The following DPP4 variants were observed in gnomAD, a reference collection of about 807,000 sequenced individuals.
The protein encoded by DPP4 is ADCP-2.
A neutral mutation model predicts 122.4 loss-of-function variants in DPP4; 93 were observed. That is an observed-to-expected ratio of 0.76 (90% confidence interval 0.64 to 0.90). The LOEUF is 0.90. Ranked by LOEUF, DPP4 falls within the 40% of genes least tolerant of loss-of-function variation. The pLI, the probability that DPP4 is intolerant of heterozygous loss-of-function variation, is 0.00. For missense variants in DPP4, 914 were observed against 907.3 expected, an observed-to-expected ratio of 1.01 and a Z score of -0.09; for synonymous variants, 321 against 302.9, an observed-to-expected ratio of 1.06 and a Z score of -0.62.
At chr2:162,022,386 G>A (rs1052018569) in intron 12 of DPP4, among the ~76,000 whole-genome samples, 2 of 152,126 alleles carry the variant, frequency 1.3e-5, no homozygotes, top group African/African-American at 2.4e-5. Flanking sequence ...TGTGCAGGCT[G>A]GGGACAGAAC....
intron 19 of DPP4, 60 bp from the exon 20 acceptor site, chr2:162,012,047 T>C (rs753072758): frequency 1.3e-6 from 2 of 1,510,438 alleles, no homozygotes; most frequent in Non-Finnish European, 9.1e-7. Flanking sequence ...GAGGAATGCT[T>C]ACATTTCTCT....
chr2:162,033,885 T>TATATATATATATAC (rs1443246438), intron 9 of DPP4, among the ~76,000 whole-genome samples: 2 of 141,388 alleles, frequency 1.4e-5, no homozygotes, highest in East Asian at 4.1e-4. Context: ...TATATATATA[T>TATATATATATATAC]ATATATATAC....
chr2:162,044,588 C>G (rs928241981), intron 5 of DPP4, among the ~76,000 whole-genome samples: 1 of 152,144 alleles, frequency 6.6e-6, no homozygotes, highest in African/African-American at 2.4e-5. Context: ...GCTTGCAATA[C>G]AGGGTATCTT....
At position 161,995,328 on chromosome 2, in the gene DPP4, C is replaced by G. The variant is rs764143939; in HGVS notation, c.2097G>C (p.Glu699Asp). The change falls in exon 24 of 26, where the codon GAG becomes GAC. Residue 699 changes from glutamate to aspartate, a missense_variant. Physicochemically the swap from Glu to Asp is conservative, Grantham distance 45. Transcript: ENST00000360534. ...CTGCTGTTCCATGAATAAGGAGGTA[C>G]TCAACTTGTTTAAAATTTTCAGCTC... ...MSRAENFKQV[E>D]YLLIHGTADD... 2 of 1,613,960 alleles carry G rather than the reference C, an allele frequency of 1.2e-6. No individual in the cohort carries two copies. The highest frequency in any genetic ancestry group is 1.7e-6 in the Non-Finnish European group (2 of 1,179,922).
intron 2 of DPP4, among the ~76,000 whole-genome samples, chr2:162,065,610 G>C (rs887598146): frequency 6.6e-6 from 1 of 152,166 alleles, no homozygotes; most frequent in African/African-American, 2.4e-5. Context: ...CAGCATCAGG[G>C]GGCTGTAAGT....
At position 162,059,527 on chromosome 2, in the gene DPP4, A is replaced by G. The variant is rs556981910; in HGVS notation, c.95-12026T>C. Among the ~76,000 whole-genome samples, 4 of 152,370 alleles carry G rather than the reference A, an allele frequency of 2.6e-5. No homozygotes were observed. In the East Asian group the frequency reaches 7.7e-4, roughly 29 times the overall value. On this transcript the variant is annotated intron_variant, in intron 2 of 25. Coordinates refer to ENST00000360534, the MANE Select transcript of DPP4 (RefSeq NM_001935.4). ...CATATACTTAAAAGCAGTTGCAGTGAGACTTCAGTGGAGGGTATTATAGTG... is the reference window on the plus strand; with the variant it reads ...CATATACTTAAAAGCAGTTGCAGTGGGACTTCAGTGGAGGGTATTATAGTG...
At chr2:162,040,192 A>G (rs1683937351) in intron 5 of DPP4, among the ~76,000 whole-genome samples, 1 of 152,146 alleles carries the variant, frequency 6.6e-6, no homozygotes, top group Admixed American at 6.6e-5. Context: ...TAACTTTACC[A>G]GCAAACTTCT....
chr2:162,020,427 C>A (rs1473422582), intron 13 of DPP4, 131 bp from the exon 14 acceptor site: 4 of 1,021,674 alleles, frequency 3.9e-6, no homozygotes, highest in Non-Finnish European at 5.7e-6. Context: ...GGTTTCCCCA[C>A]CTCGTTCCAC....
At chr2:162,057,790 T>C (rs1031673170) in intron 2 of DPP4, among the ~76,000 whole-genome samples, 4 of 152,168 alleles carry the variant, frequency 2.6e-5, no homozygotes, top group African/African-American at 9.7e-5. Context: ...TTCTTTTTTT[T>C]GAGACAGAGT....
Position 162,069,272 on chromosome 2 carries a change from G to C in DPP4, c.94+4127C>G, listed in dbSNP as rs1685040695. 2.6e-5 allele frequency among the ~76,000 whole-genome samples: 4 copies of C among 152,248 alleles called. No individual in the cohort carries two copies. In the South Asian group the frequency reaches 8.3e-4, roughly 32 times the overall value. Reference sequence around the variant, plus strand: ...CCCTCAGCCCCAAATTTAGCACTTAGTAAATGCATATTGGCTATTATTGTA... The same window carrying C: ...CCCTCAGCCCCAAATTTAGCACTTACTAAATGCATATTGGCTATTATTGTA... On this transcript the variant is annotated intron_variant, in intron 2 of 25. Transcript: ENST00000360534.
chr2:162,020,201 A>G, intron 14 of DPP4, 28 bp downstream of exon 14: 1 of 1,588,030 alleles, frequency 6.3e-7, no homozygotes, highest in Non-Finnish European at 8.6e-7. Flanking sequence ...AAGTAGGTTT[A>G]TATCCTATCA....
At chr2:162,073,597 A>T in intron 1 of DPP4, 111 bp from the exon 2 acceptor site, 1 of 1,035,632 alleles carries the variant, frequency 9.7e-7, no homozygotes, top group African/African-American at 1.6e-5. Context: ...GGAGTGCGTT[A>T]GAAGAGGGAG....
chr2:162,073,776 CGCCAGGGTCCTAGCAGAA>C (rs3216773), intron 1 of DPP4, among the ~76,000 whole-genome samples, 182 bp downstream of exon 1: 39,185 of 152,078 alleles, frequency 0.26, 5,257 homozygotes, highest in Middle Eastern at 0.38. Context: ...CAAAGCTCGA[CGCCAGGGTCCTAGCAGAA>C]GCCAGGGTCC....
chr2:162,055,626 T>C (rs1182729006), intron 2 of DPP4, among the ~76,000 whole-genome samples: 2 of 151,072 alleles, frequency 1.3e-5, no homozygotes, highest in Non-Finnish European at 2.9e-5. Context: ...GAGCCGAGAC[T>C]GTGCCACTGC....
At chr2:162,050,121 A>G (rs1684330965) in intron 2 of DPP4, among the ~76,000 whole-genome samples, 1 of 152,202 alleles carries the variant, frequency 6.6e-6, no homozygotes, top group South Asian at 2.1e-4. Flanking sequence ...TGAGAATAGT[A>G]ACTGGATTTG....
In DPP4 at chr2:162,005,725, T is replaced by G; in HGVS notation, c.2052+20A>C. 2 of 1,603,964 alleles carry G rather than the reference T, an allele frequency of 1.2e-6. No homozygotes were observed. Among genetic ancestry groups the G allele is most frequent in the African/African-American group, 2.7e-5 (2 of 74,764 alleles). ...ACTTATAAATAGGTTATAAAATAGG[T>G]ATAGGTCCTCATCTCTTACTCTGTA... On this transcript the variant is annotated intron_variant, in intron 23 of 25. Coordinates refer to ENST00000360534, the MANE Select transcript of DPP4 (RefSeq NM_001935.4).
At chr2:162,034,178 A>G (rs1174509171) in intron 9 of DPP4, among the ~76,000 whole-genome samples, 1 of 152,050 alleles carries the variant, frequency 6.6e-6, no homozygotes, top group Non-Finnish European at 1.5e-5. Context: ...CAGGTTCACT[A>G]TGTTGGAGCT....
intron 8 of DPP4, among the ~76,000 whole-genome samples, chr2:162,037,404 A>C (rs1253631306): frequency 6.6e-6 from 1 of 152,194 alleles, no homozygotes; most frequent in African/African-American, 2.4e-5. Flanking sequence ...TCAAGCACTT[A>C]TTTCTAGGAC....
Position 162,011,755 on chromosome 2 carries a change from A to T in DPP4, c.1832+38T>A, listed in dbSNP as rs200589382. On this transcript the variant is annotated intron_variant, in intron 20 of 25. Transcript: ENST00000360534. ...AATGTAAATTTTAAAGGGGAAAAAA[A>T]ATCAGATGACCTTTGACTTCATCTC... 2.2e-5 allele frequency: 35 copies of T among 1,592,602 alleles called. No homozygotes were observed. The South Asian group carries it at 3.8e-4, about 17-fold the overall frequency.
Sources: gnomAD v4.1 joint callset for allele counts (sites outside exome capture counted in the v4.1 genomes callset) on GRCh38, gnomAD v4.1.1 for gene constraint, MANE v1.5 for transcripts, NCBI Gene and HGNC (gene_info 2026-07-23, HGNC 2026-07-21) for gene names.